The following MARK1 variants were observed in gnomAD, a reference collection of about 807,000 sequenced individuals.
The protein encoded by MARK1 is serine/threonine-protein kinase MARK1.
Under a neutral mutation model 96.3 loss-of-function variants are expected in MARK1, and 40 were observed. That is an observed-to-expected ratio of 0.42 (90% CI 0.32 to 0.54). MARK1 has a LOEUF of 0.54. MARK1 is among the 20% of genes least tolerant of loss of function. The pLI is 0.16. For missense variants in MARK1, 719 were observed against 984.6 expected, an observed-to-expected ratio of 0.73 and a Z score of 3.61; for synonymous variants, 317 against 341.2, an observed-to-expected ratio of 0.93 and a Z score of 0.78.
intron 1 of MARK1, among the ~76,000 whole-genome samples, chr1:220,569,873 TTC>T (rs1663320259): frequency 6.6e-6 from 1 of 152,136 alleles, no homozygotes; most frequent in South Asian, 2.1e-4. Context: ...AGGTTCAACC[TTC>T]TGGAATAAGT....
At chr1:220,622,432 G>A (rs1667095810) in intron 9 of MARK1, among the ~76,000 whole-genome samples, 1 of 152,056 alleles carries the variant, frequency 6.6e-6, no homozygotes, top group Non-Finnish European at 1.5e-5. Flanking sequence ...AATCTTTACA[G>A]TCTTGTTTAT....
chr1:220,529,089 G>C (rs1660130578), intron 1 of MARK1, among the ~76,000 whole-genome samples: 1 of 152,190 alleles, frequency 6.6e-6, no homozygotes, highest in Non-Finnish European at 1.5e-5. Flanking sequence ...GTAGGGAACC[G>C]TAAGTGGCGC....
At chr1:220,586,280 T>C (rs973308116) in intron 3 of MARK1, among the ~76,000 whole-genome samples, 2 of 152,202 alleles carry the variant, frequency 1.3e-5, no homozygotes, top group African/African-American at 4.8e-5. Context: ...CATCTGCTCC[T>C]ATTCATACTC....
At chr1:220,558,905 A>G (rs958033806) in intron 1 of MARK1, among the ~76,000 whole-genome samples, 2 of 152,146 alleles carry the variant, frequency 1.3e-5, no homozygotes, top group East Asian at 3.8e-4. Context: ...CTAAAATGCA[A>G]CTAGGATGAA....
intron 3 of MARK1, among the ~76,000 whole-genome samples, chr1:220,593,549 G>T (rs976221561): frequency 9.9e-5 from 15 of 152,154 alleles, no homozygotes; most frequent in African/African-American, 3.4e-4. Flanking sequence ...AAAAAAAATA[G>T]GTTGAAATAA....
intron 9 of MARK1, among the ~76,000 whole-genome samples, chr1:220,623,394 AAAAAAAT>A (rs1253873106): frequency 6.6e-6 from 1 of 152,140 alleles, no homozygotes; most frequent in African/African-American, 2.4e-5. Context: ...TTTATTTTGG[AAAAAAAT>A]AACAGAGTTA....
At chr1:220,586,011 A>ACACGCACGCACGCG (rs112968910) in intron 3 of MARK1, among the ~76,000 whole-genome samples, 160 of 148,636 alleles carry the variant, frequency 1.1e-3, no homozygotes, top group African/African-American at 2.2e-3. Flanking sequence ...ACACACACAC[A>ACACGCACGCACGCG]CGCGCGCGTG....
At chr1:220,601,625 A>G (rs928439038) in intron 5 of MARK1, among the ~76,000 whole-genome samples, 3 of 152,210 alleles carry the variant, frequency 2.0e-5, no homozygotes, top group Non-Finnish European at 4.4e-5. Flanking sequence ...GAAAGGGGCT[A>G]TACCCACTTT....
At chr1:220,563,046 A>G (rs1013718348) in intron 1 of MARK1, among the ~76,000 whole-genome samples, 1 of 152,182 alleles carries the variant, frequency 6.6e-6, no homozygotes, top group African/African-American at 2.4e-5. Flanking sequence ...ACTAAGACAC[A>G]GTCTCTTGGC....
At chr1:220,588,790 G>A (rs1664810388) in intron 3 of MARK1, among the ~76,000 whole-genome samples, 1 of 152,142 alleles carries the variant, frequency 6.6e-6, no homozygotes, top group Non-Finnish European at 1.5e-5. Context: ...CAAGGACCTA[G>A]CAGTCTCTTG....
intron 1 of MARK1, among the ~76,000 whole-genome samples, chr1:220,569,200 A>G (rs1663265545): frequency 6.6e-6 from 1 of 152,180 alleles, no homozygotes; most frequent in South Asian, 2.1e-4. Flanking sequence ...ATATCTGTAT[A>G]CATCCTGTGC....
chr1:220,554,707 G>C (rs1430590456), intron 1 of MARK1, among the ~76,000 whole-genome samples: 1 of 152,168 alleles, frequency 6.6e-6, no homozygotes, highest in Non-Finnish European at 1.5e-5. Context: ...ATTTGATTCA[G>C]CAAGGAAACC....
At chr1:220,600,194 GA>G (rs1192043666) in intron 5 of MARK1, among the ~76,000 whole-genome samples, 1 of 152,030 alleles carries the variant, frequency 6.6e-6, no homozygotes, top group Non-Finnish European at 1.5e-5. Context: ...TATCAGCAGG[GA>G]ATCTCAAGTA....
chr1:220,634,619 A>G (rs988937142), intron 11 of MARK1, among the ~76,000 whole-genome samples: 4 of 152,212 alleles, frequency 2.6e-5, no homozygotes, highest in African/African-American at 9.6e-5. Flanking sequence ...GCTCTGCATT[A>G]GCTGTTTATT....
rs376780459 is a variant in MARK1 at position 220,657,947 on chromosome 1, C to T, written c.2033+113C>T. On this transcript the variant is annotated intron_variant, in intron 17 of 17. Coordinates refer to ENST00000366917, the MANE Select transcript of MARK1 (RefSeq NM_018650.5). Reference sequence around the variant, plus strand: ...ATAGATCTAATAACTAGATAGCATGCGTATTTTAGATTTTTATATTGGGGT... The same window carrying T: ...ATAGATCTAATAACTAGATAGCATGTGTATTTTAGATTTTTATATTGGGGT... The T allele has an allele frequency of 3.4e-5, 24 of 700,436 alleles. No homozygotes were observed. In the East Asian group the frequency reaches 3.8e-4, roughly 11 times the overall value. The allele number at this position is 700,436 out of a possible 1,614,324, so 43.4% of individuals were successfully genotyped here. A position where few individuals can be genotyped will look rare whatever the true frequency, so the allele number is the denominator to read the frequency against.
intron 1 of MARK1, among the ~76,000 whole-genome samples, chr1:220,546,972 CAAA>C (rs56026911): frequency 1.5e-3 from 194 of 131,086 alleles, no homozygotes; most frequent in Middle Eastern, 3.7e-3. Flanking sequence ...ACTCCGTCTC[CAAA>C]AAAAAAAAAA....
At position 220,633,723 on chromosome 1, in the gene MARK1, C is replaced by G. The variant is rs972282206; in HGVS notation, c.1122+1410C>G. Among the ~76,000 whole-genome samples, 3 of 152,070 alleles carry G rather than the reference C, an allele frequency of 2.0e-5. No homozygotes were observed. The South Asian group carries it at 6.2e-4, about 31-fold the overall frequency. On this transcript the variant is annotated intron_variant, in intron 11 of 17. Transcript: ENST00000366917. ...TAGAATTAACAGTAGCACTTGGCGA[C>G]CAGTTGGAAATAAGAGATAAGAGCC...
chr1:220,647,739 T>C (rs994188236), intron 13 of MARK1, among the ~76,000 whole-genome samples: 1 of 152,172 alleles, frequency 6.6e-6, no homozygotes, highest in Admixed American at 6.5e-5. Context: ...TCATGTCCTT[T>C]GCAGGAACAT....
chr1:220,641,646 ATGCC>A (rs1413542790), intron 13 of MARK1, among the ~76,000 whole-genome samples: 3 of 141,148 alleles, frequency 2.1e-5, no homozygotes, highest in Non-Finnish European at 3.1e-5. Context: ...AGTAGAAACA[ATGCC>A]TGTCTGCATC....
Sources: allele counts gnomAD v4.1 joint callset (sites outside exome capture counted in the v4.1 genomes callset), GRCh38; gene constraint gnomAD v4.1.1; transcripts MANE v1.5; gene names NCBI Gene and HGNC (gene_info 2026-07-23, HGNC 2026-07-21).